Variants in SMG1 observed in about 807,000 individuals in gnomAD.
SMG1 encodes serine/threonine-protein kinase SMG1.
Under a neutral mutation model 419.9 loss-of-function variants are expected in SMG1, and 22 were observed. The observed-to-expected ratio is 0.05, with a 90% CI of 0.04 to 0.07. The LOEUF is 0.07. Ranked by LOEUF, SMG1 falls within the 10% of genes least tolerant of loss-of-function variation. The pLI, the probability that SMG1 is intolerant of heterozygous loss-of-function variation, is 1.00. For synonymous variants in SMG1, 1,538 were observed against 1,553.5 expected (o/e 0.99, Z 0.23); for missense variants, 3,185 against 4,342.0 (o/e 0.73, Z 7.49).
rs752111872 is a variant in SMG1, at chr16:18,884,166, C to A, written c.1023G>T (p.Gly341=). The change falls in exon 9 of 63, where the codon GGG becomes GGT. Residue 341 remains glycine, a splice_region_variant and synonymous_variant. Coordinates refer to ENST00000446231, the MANE Select transcript of SMG1 (RefSeq NM_015092.5). ...QKPSLTQQVS[G]WLQSLEPFWV... ...AAAATGGCTCCAAACTCTGCAACCACCCTTGGAATCGTATAAGAAATTGTG... is the reference window on the plus strand; with the variant it reads ...AAAATGGCTCCAAACTCTGCAACCAACCTTGGAATCGTATAAGAAATTGTG... The A allele has an allele frequency of 3.3e-6, 5 of 1,514,898 alleles. No individual in the cohort carries two copies. The South Asian group carries it at 3.6e-5, about 11-fold the overall frequency. The allele number at this position is 1,514,898 out of a possible 1,614,324, so 93.8% of individuals were successfully genotyped here. A position where few individuals can be genotyped will look rare whatever the true frequency, so the allele number is the denominator to read the frequency against.
At chr16:18,874,098 T>C (rs1369200488) in intron 13 of SMG1, among the ~76,000 whole-genome samples, 1 of 152,200 alleles carries the variant, frequency 6.6e-6, no homozygotes, top group Non-Finnish European at 1.5e-5. Flanking sequence ...TTTTTCCTCC[T>C]AAAAACTTTA....
intron 47 of SMG1, 49 bp from the exon 48 acceptor site, chr16:18,836,261 C>T (rs768124842): frequency 6.3e-7 from 1 of 1,594,138 alleles, no homozygotes; most frequent in Middle Eastern, 1.7e-4. Flanking sequence ...GTCAAGTCAG[C>T]TGTCACTAAA....
At chr16:18,851,207 A>G (rs2034571254) in intron 33 of SMG1, among the ~76,000 whole-genome samples, 1 of 152,274 alleles carries the variant, frequency 6.6e-6, no homozygotes, top group Non-Finnish European at 1.5e-5. Flanking sequence ...GTTTACAGCA[A>G]GAACTGATCG....
chr16:18,816,364 C>A lies in SMG1; in HGVS notation c.10240G>T (p.Val3414Leu). 6.2e-7 allele frequency: 1 copy of A among 1,613,940 alleles called. No homozygotes were observed. Among genetic ancestry groups the A allele is most frequent in the East Asian group, 2.2e-5 (1 of 44,874 alleles). ...AGCTGTCGGTTATGACCAGTGAGCA[C>A]AGTCTTTATATTATCAACCAGATTC... ...IQNLVDNIKT[V>L]LTGHNRQLGD... Residue 3414 changes from valine (V) to leucine (L), a missense_variant, in exon 58 of 63, where the codon GTG becomes TTG. Physicochemically the swap from Val to Leu is conservative, Grantham distance 32 (BLOSUM62 1). Coordinates refer to ENST00000446231, the MANE Select transcript of SMG1 (RefSeq NM_015092.5).
chr16:18,828,184 GAAATGTATTA>G lies in SMG1; in HGVS notation c.9604-26_9604-17del. ...CATGTTGCCACTGTTGAGAGAAAAAGAAATGTATTAAAATCAGCAGGAAAAAAGCGTTTAG... is the reference window on the plus strand; with the variant it reads ...CATGTTGCCACTGTTGAGAGAAAAAGAAATCAGCAGGAAAAAAGCGTTTAG... On this transcript the variant is annotated splice_polypyrimidine_tract_variant and intron_variant, in intron 54 of 62. Coordinates refer to ENST00000446231, the MANE Select transcript of SMG1 (RefSeq NM_015092.5). The G allele has an allele frequency of 3.1e-6, 5 of 1,609,874 alleles. No homozygotes were observed. Among genetic ancestry groups the G allele is most frequent in the Non-Finnish European group, 4.2e-6 (5 of 1,177,348 alleles).
At chr16:18,914,089 C>T (rs1223035463) in intron 1 of SMG1, among the ~76,000 whole-genome samples, 1 of 151,562 alleles carries the variant, frequency 6.6e-6, no homozygotes, top group African/African-American at 2.4e-5. Context: ...ATCACTTGAA[C>T]CCAGGAGGTA....
chr16:18,895,164 A>G (rs1369618821), intron 3 of SMG1, among the ~76,000 whole-genome samples: 3 of 152,166 alleles, frequency 2.0e-5, no homozygotes, highest in East Asian at 1.9e-4. Flanking sequence ...AGGCTACATC[A>G]TAAGGCAGAA....
At chr16:18,853,927 A>C in intron 30 of SMG1, 60 bp from the exon 31 acceptor site, 1 of 1,461,624 alleles carries the variant, frequency 6.8e-7, no homozygotes, top group Non-Finnish European at 9.2e-7. Flanking sequence ...GGAGGGAGGC[A>C]CTTGGATTAG....
intron 22 of SMG1, among the ~76,000 whole-genome samples, chr16:18,867,534 T>TAAAG (rs1436012431): frequency 1.7e-5 from 2 of 120,272 alleles, no homozygotes; most frequent in Non-Finnish European, 3.5e-5. Context: ...AAAAAATAAA[T>TAAAG]AAATAAATAA....
chr16:18,926,159 G>GAGGAGGAGGAGGAGGAGGAGA lies in SMG1; in HGVS notation c.-119_-118insTCTCCTCCTCCTCCTCCTCCT. 2 of 178,304 alleles carry GAGGAGGAGGAGGAGGAGGAGA rather than the reference G, an allele frequency of 1.1e-5. No homozygotes were observed. Among genetic ancestry groups the GAGGAGGAGGAGGAGGAGGAGA allele is most frequent in the Non-Finnish European group, 2.0e-5 (2 of 102,468 alleles). 11.0% of individuals were successfully genotyped at this position (178,304 alleles called of 1,614,324 possible). A position where few individuals can be genotyped will look rare whatever the true frequency, so the allele number is the denominator to read the frequency against. Reference sequence around the variant, plus strand: ...CGGGGCTGAGGAGGAAGCCGAGAAGGAGGAGGAGGAGGAGGAGGAGGAGAA... The same window carrying GAGGAGGAGGAGGAGGAGGAGA: ...CGGGGCTGAGGAGGAAGCCGAGAAGGAGGAGGAGGAGGAGGAGGAGAAGGAGGAGGAGGAGGAGGAGGAGAA... On this transcript the variant is annotated 5_prime_UTR_variant, in exon 1 of 63. Transcript: ENST00000446231.
chr16:18,840,164 T>C (rs1427456377), intron 41 of SMG1, among the ~76,000 whole-genome samples: 2 of 152,326 alleles, frequency 1.3e-5, no homozygotes, highest in East Asian at 3.9e-4. Context: ...ATTCACTTTA[T>C]TGAAAAATTG....
chr16:18,902,407 C>T (rs1311188952), intron 1 of SMG1, among the ~76,000 whole-genome samples: 1 of 152,074 alleles, frequency 6.6e-6, no homozygotes, highest in Non-Finnish European at 1.5e-5. Context: ...ATCATCCAAC[C>T]TAAGAGTCGT....
At chr16:18,914,143 G>A (rs1596654687) in intron 1 of SMG1, among the ~76,000 whole-genome samples, 1 of 149,050 alleles carries the variant, frequency 6.7e-6, no homozygotes, top group East Asian at 2.0e-4. Context: ...TCCAGCCTGG[G>A]CAACAAGAGC....
intron 25 of SMG1, among the ~76,000 whole-genome samples, chr16:18,863,275 C>T (rs186773300): frequency 1.8e-4 from 28 of 152,338 alleles, no homozygotes; most frequent in African/African-American, 6.7e-4. Context: ...CACAAACTGT[C>T]CTCATTAGAA....
chr16:18,863,570 A>C, intron 25 of SMG1, 80 bp downstream of exon 25: 1 of 1,291,568 alleles, frequency 7.7e-7, no homozygotes, highest in South Asian at 1.2e-5. Context: ...ACATATGACC[A>C]ATTTTAATAT....
Position 18,815,203 on chromosome 16 carries a change from A to G in SMG1, c.10593T>C (p.Ser3531=). Residue 3531 remains serine (S), a synonymous_variant, in exon 60 of 63, where the codon TCT becomes TCC. Transcript: ENST00000446231. ...ATNECSSPTS[S]ATYQPSFAAA... ...CAGCGAAGGATGGCTGATAAGTAGC[A>G]GATGACGTTGGACTCGAACATTCAT... 2 of 1,594,924 alleles carry G rather than the reference A, an allele frequency of 1.3e-6. No individual in the cohort carries two copies. Among genetic ancestry groups the G allele is most frequent in the African/African-American group, 1.3e-5 (1 of 74,656 alleles).
At chr16:18,842,945 G>A (rs1018522486) in intron 39 of SMG1, among the ~76,000 whole-genome samples, 4 of 152,196 alleles carry the variant, frequency 2.6e-5, no homozygotes, top group Non-Finnish European at 5.9e-5. Context: ...GCTGGTGGCC[G>A]ATGTGCATTA....
Position 18,809,527 on chromosome 16 carries a change from T to C in SMG1, c.*42A>G, listed in dbSNP as rs1308221905. On this transcript the variant is annotated 3_prime_UTR_variant, in exon 63 of 63. Transcript: ENST00000446231. The stretch of plus-strand genomic sequence containing the variant: ...CTGAGGCTGAGTTGATTCTGGTGGA[T>C]GTCTGACCTCGCTTAACCAGACTCA... The C allele has an allele frequency of 6.8e-7, 1 of 1,465,584 alleles. No individual in the cohort carries two copies. Among genetic ancestry groups the C allele is most frequent in the African/African-American group, 1.4e-5 (1 of 72,038 alleles). The allele number at this position is 1,465,584 out of a possible 1,614,324, so 90.8% of individuals were successfully genotyped here. A position where few individuals can be genotyped will look rare whatever the true frequency, so the allele number is the denominator to read the frequency against.
At chr16:18,905,303 C>T (rs1261149836) in intron 1 of SMG1, among the ~76,000 whole-genome samples, 2 of 152,212 alleles carry the variant, frequency 1.3e-5, no homozygotes, top group African/African-American at 4.8e-5. Context: ...AACTGCCTTT[C>T]TCCCTCTATC....
Sources: allele counts gnomAD v4.1 joint callset (sites outside exome capture counted in the v4.1 genomes callset), GRCh38; gene constraint gnomAD v4.1.1; transcripts MANE v1.5; gene names NCBI Gene and HGNC (gene_info 2026-07-23, HGNC 2026-07-21).